Variants in FAH observed in about 807,000 individuals in gnomAD.
FAH encodes the protein fumarylacetoacetate hydrolase.
FAH carries 47 observed loss-of-function variants against 55.8 expected under a neutral mutation model. That is an observed-to-expected ratio of 0.84 (90% CI 0.67 to 1.07). The LOEUF (loss-of-function observed/expected upper bound fraction) is 1.07, where lower values mean the gene tolerates loss of function less well. FAH is among the 50% of genes least tolerant of loss of function. The pLI, the probability that FAH is intolerant of heterozygous loss-of-function variation, is 0.00. For synonymous variants in FAH, 199 were observed against 207.7 expected (o/e 0.96, Z 0.36); for missense variants, 495 against 545.9 (o/e 0.91, Z 0.93).
intron 3 of FAH, 189 bp downstream of exon 3, chr15:80,160,066 G>C (rs2041135524): frequency 2.4e-6 from 2 of 834,568 alleles, no homozygotes; most frequent in Non-Finnish European, 3.7e-6. Flanking sequence ...GATTGCCTTG[G>C]CGCCTGGAAT....
intron 2 of FAH, among the ~76,000 whole-genome samples, 189 bp from the exon 3 acceptor site, chr15:80,159,567 G>A (rs1203089918): frequency 2.0e-5 from 3 of 152,194 alleles, no homozygotes; most frequent in East Asian, 3.9e-4. Context: ...CTGAGGCAAC[G>A]TCAAGAGAGG....
intron 10 of FAH, 98 bp downstream of exon 10, chr15:80,175,189 C>T (rs1265776845): frequency 1.9e-6 from 2 of 1,057,920 alleles, no homozygotes; most frequent in African/African-American, 1.6e-5. Context: ...AGGGTGAGGG[C>T]ACGTGCTACA....
rs1162028835 is a variant in FAH, at chr15:80,181,067, T to G, written c.1088T>G (p.Leu363Trp). 31 of 1,613,588 alleles carry G rather than the reference T, an allele frequency of 1.9e-5. No homozygotes were observed. Among genetic ancestry groups the G allele is most frequent in the Non-Finnish European group, 2.6e-5 (31 of 1,179,732 alleles). Residue 363 changes from leucine (L) to tryptophan (W), a missense_variant, in exon 13 of 14, where the codon TTG (leucine) becomes TGG (tryptophan). Physicochemically the swap from Leu to Trp is moderately conservative, Grantham distance 61. Coordinates refer to ENST00000561421, the MANE Select transcript of FAH (RefSeq NM_000137.4). ...GPEPENFGSM[L>W]ELSWKGTKPI... ...GAGCCAGAAAACTTCGGCTCCATGT[T>G]GGAACTGTCGTGGAAGGGAACGAAG...
intron 5 of FAH, 28 bp from the exon 6 acceptor site, chr15:80,168,024 C>T: frequency 6.4e-7 from 1 of 1,570,270 alleles, no homozygotes; most frequent in Non-Finnish European, 8.8e-7. Context: ...GCTCTGATGC[C>T]CTGCATTCTC....
intron 4 of FAH, among the ~76,000 whole-genome samples, chr15:80,161,458 AT>A (rs150922223): frequency 1.6e-3 from 230 of 145,944 alleles, no homozygotes; most frequent in Middle Eastern, 3.6e-3. Context: ...AATATCCAGC[AT>A]TTTTTTTTTT....
chr15:80,180,883 G>C (rs1383680249), intron 12 of FAH, among the ~76,000 whole-genome samples, 159 bp from the exon 13 acceptor site: 1 of 152,118 alleles, frequency 6.6e-6, no homozygotes, highest in Non-Finnish European at 1.5e-5. Context: ...TGTCTCAAAG[G>C]CATCTCTGCA....
chr15:80,159,784 G>A lies in FAH; in HGVS notation c.221G>A (p.Gly74Asp), dbSNP rs1451583156. The A allele has an allele frequency of 3.1e-6, 5 of 1,614,102 alleles. No individual in the cohort carries two copies. In the African/African-American group the frequency reaches 6.7e-5, roughly 22 times the overall value. The stretch of plus-strand genomic sequence containing the variant: ...ACACTCAACAGCTTCATGGGCCTGG[G>A]TCAGGCTGCCTGGAAGGAGGCGAGA... ...QPTLNSFMGL[G>D]QAAWKEARVF... is the part of the protein sequence containing the mutation. The change falls in exon 3 of 14, where the codon GGT becomes GAT. Residue 74 changes from glycine to aspartate, a missense_variant. By Grantham distance (94) the Gly-to-Asp change is moderately conservative. Coordinates refer to ENST00000561421, the MANE Select transcript of FAH (RefSeq NM_000137.4).
chr15:80,153,733 A>G (rs1484378206), intron 1 of FAH, among the ~76,000 whole-genome samples: 1 of 151,532 alleles, frequency 6.6e-6, no homozygotes, highest in Non-Finnish European at 1.5e-5. Context: ...GCAGGGAAAC[A>G]AACTTTGACT....
chr15:80,171,938 G>A (rs777683851), intron 7 of FAH, among the ~76,000 whole-genome samples: 1 of 152,232 alleles, frequency 6.6e-6, no homozygotes, highest in African/African-American at 2.4e-5. Context: ...AAGGAAGGCC[G>A]ATGGCGGGGG....
In FAH at chr15:80,179,995, T is replaced by G. The variant is rs1282057101; in HGVS notation, c.961-129T>G. ...CTATAAGGGACTGGAGAGAGCTGGC[T>G]GGGGGAGCTGGGGACCGGGGAAAGG... On this transcript the variant is annotated intron_variant, in intron 11 of 13. Transcript: ENST00000561421. The G allele has an allele frequency of 5.3e-5, 38 of 721,016 alleles. 1 individual carries two copies. The highest frequency in any genetic ancestry group is 4.7e-4 in the South Asian group (32 of 67,774). The allele number at this position is 721,016 out of a possible 1,614,324, so 44.7% of individuals were successfully genotyped here.
chr15:80,182,146 G>A (rs1454915151), intron 13 of FAH, among the ~76,000 whole-genome samples: 1 of 152,076 alleles, frequency 6.6e-6, no homozygotes, highest in Non-Finnish European at 1.5e-5. Flanking sequence ...ACATCACACT[G>A]ATCTCTGCCT....
intron 5 of FAH, chr15:80,162,705 C>A (rs2041159381): frequency 2.8e-6 from 1 of 354,770 alleles, no homozygotes; most frequent in African/African-American, 2.1e-5. Flanking sequence ...TGAGAATCCT[C>A]AAATGTGCCC....
chr15:80,159,678 G>A (rs2041130511), intron 2 of FAH, 78 bp from the exon 3 acceptor site: 16 of 1,569,246 alleles, frequency 1.0e-5, no homozygotes, highest in Non-Finnish European at 1.4e-5. Flanking sequence ...TGGCAGGCTG[G>A]CTGGCCTTCC....
rs1469163814 is a variant in FAH at position 80,182,307 on chromosome 15, T to G, written c.1180+1148T>G. Reference sequence around the variant, plus strand: ...TCTCCAGAAAATTTACTATATAAGGTAACATTCACAGGTCCTAGGGATTTG... The same window carrying G: ...TCTCCAGAAAATTTACTATATAAGGGAACATTCACAGGTCCTAGGGATTTG... On this transcript the variant is annotated intron_variant, in intron 13 of 13. Transcript: ENST00000561421. Among the ~76,000 whole-genome samples the G allele has an allele frequency of 1.3e-5, 2 of 152,156 alleles. 1 individual carries two copies. The highest frequency in any genetic ancestry group is 6.3e-3 in the Middle Eastern group (2 of 316).
rs781496816 is a variant in FAH at position 80,168,116 on chromosome 15, C to T, written c.520C>T (p.Arg174Ter). ...TGTCGTGGTGTCTGGCACCCCAATC[C>T]GAAGGCCCATGGGACAGATGAAACC... Reference protein sequence around the residue: ...SSVVVSGTPIRRPMGQMKPDD... With the variant: ...SSVVVSGTPI Residue 174 changes from arginine (R) to a stop codon, truncating the protein, a stop_gained, in exon 6 of 14, where the codon CGA becomes TGA. Coordinates refer to ENST00000561421, the MANE Select transcript of FAH (RefSeq NM_000137.4). LOFTEE classifies it high-confidence loss of function. 18 of 1,614,112 alleles carry T rather than the reference C, an allele frequency of 1.1e-5. No individual in the cohort carries two copies. Among genetic ancestry groups the T allele is most frequent in the Non-Finnish European group, 1.5e-5 (18 of 1,180,014 alleles).
At chr15:80,178,027 T>C (rs1210588695) in intron 11 of FAH, among the ~76,000 whole-genome samples, 9 of 152,000 alleles carry the variant, frequency 5.9e-5, no homozygotes. Flanking sequence ...TAATGAGACC[T>C]TGTCTCTGCA....
chr15:80,157,955 C>T, intron 1 of FAH, 105 bp from the exon 2 acceptor site: 1 of 836,652 alleles, frequency 1.2e-6, no homozygotes, highest in South Asian at 1.3e-5. Flanking sequence ...ACAGGGCCAC[C>T]TAAAGGGGGA....
At chr15:80,159,995 C>T in intron 3 of FAH, 118 bp downstream of exon 3, 2 of 1,346,150 alleles carry the variant, frequency 1.5e-6, no homozygotes, top group Non-Finnish European at 2.1e-6. Context: ...CCAAGTCAGA[C>T]CTGCCCTCAT....
At chr15:80,177,162 G>A (rs147574518) in intron 10 of FAH, among the ~76,000 whole-genome samples, 2 of 152,322 alleles carry the variant, frequency 1.3e-5, no homozygotes, top group African/African-American at 2.4e-5. Flanking sequence ...ACTCCTGAGG[G>A]GACAGCAGGT....
Sources: allele counts gnomAD v4.1 joint callset (sites outside exome capture counted in the v4.1 genomes callset), GRCh38; gene constraint gnomAD v4.1.1; transcripts MANE v1.5; gene names NCBI Gene and HGNC (gene_info 2026-07-23, HGNC 2026-07-21).